The following UVRAG variants were observed in gnomAD, a reference collection of about 807,000 sequenced individuals.
UVRAG encodes the protein UV radiation resistance-associated gene protein.
Under a neutral mutation model 78.0 loss-of-function variants are expected in UVRAG, and 19 were observed. That is an observed-to-expected ratio of 0.24 (90% CI 0.17 to 0.36). The LOEUF is 0.36. Ranked by LOEUF, UVRAG falls within the 10% of genes least tolerant of loss-of-function variation. UVRAG has a pLI of 1.00. For synonymous variants in UVRAG, 323 were observed against 324.6 expected (o/e 1.00, Z 0.05); for missense variants, 740 against 853.8 (o/e 0.87, Z 1.66).
Position 76,087,175 on chromosome 11 carries a change from T to C in UVRAG, c.1305+21387T>C, listed in dbSNP as rs113951338. Among the ~76,000 whole-genome samples, 1,040 of 152,312 alleles carry C rather than the reference T, an allele frequency of 6.8e-3. 17 individuals carry two copies. The highest frequency in any genetic ancestry group is 0.024 in the African/African-American group (996 of 41,568). Reference sequence around the variant, plus strand: ...GTTTCTACATGCGCACACACATACATGTGCTTGTGAATGTGTGTGTAGGTA... The same window carrying C: ...GTTTCTACATGCGCACACACATACACGTGCTTGTGAATGTGTGTGTAGGTA... On this transcript the variant is annotated intron_variant, in intron 13 of 14. Transcript: ENST00000356136.
At position 76,006,660 on chromosome 11, in the gene UVRAG, CAAAAAA is replaced by C. The variant is rs762221601; in HGVS notation, c.912-853_912-848del. On this transcript the variant is annotated intron_variant, in intron 9 of 14. Transcript: ENST00000356136. ...TGAGTGTTAAAGTGAGACCCCGTCT[CAAAAAA>C]AAAAAAAAAAAAAAAAAAAAGAGAG... is the stretch of plus-strand genomic sequence containing the variant. Among the ~76,000 whole-genome samples, 148 of 62,358 alleles carry C rather than the reference CAAAAAA, an allele frequency of 2.4e-3. 1 individual carries two copies. The highest frequency in any genetic ancestry group is 8.6e-3 in the African/African-American group (113 of 13,120). 40.9% of individuals were successfully genotyped at this position (62,358 alleles called of 152,430 possible).
chr11:76,008,179 G>A (rs372635994), intron 10 of UVRAG, among the ~76,000 whole-genome samples: 1 of 152,018 alleles, frequency 6.6e-6, no homozygotes, highest in Non-Finnish European at 1.5e-5. Context: ...CAAAGTGCTC[G>A]CATATCAGGT....
At chr11:76,041,599 C>T (rs1362658540) in intron 12 of UVRAG, among the ~76,000 whole-genome samples, 1 of 152,222 alleles carries the variant, frequency 6.6e-6, no homozygotes, top group African/African-American at 2.4e-5. Context: ...GTAGTGGCTG[C>T]TGCCATGGCC....
intron 1 of UVRAG, among the ~76,000 whole-genome samples, chr11:75,843,973 AAAAG>A (rs1354868779): frequency 1.3e-5 from 2 of 151,720 alleles, no homozygotes; most frequent in Non-Finnish European, 2.9e-5. Flanking sequence ...AAAAAAAAAA[AAAAG>A]AACTCTCAAC....
intron 8 of UVRAG, among the ~76,000 whole-genome samples, chr11:75,997,350 G>C (rs941477788): frequency 1.3e-5 from 2 of 152,220 alleles, no homozygotes; most frequent in African/African-American, 4.8e-5. Flanking sequence ...GTTGCTGGAA[G>C]CAAGATTCAT....
At chr11:76,027,669 A>G (rs1042455918) in intron 12 of UVRAG, among the ~76,000 whole-genome samples, 6 of 152,120 alleles carry the variant, frequency 3.9e-5, no homozygotes, top group Non-Finnish European at 8.8e-5. Flanking sequence ...ATGCTTAACA[A>G]AATTTTGCAA....
chr11:76,135,973 T>A (rs1383725275), intron 14 of UVRAG, among the ~76,000 whole-genome samples: 1 of 152,252 alleles, frequency 6.6e-6, no homozygotes, highest in African/African-American at 2.4e-5. Context: ...TAATTGCATA[T>A]GATGAGTAAA....
intron 5 of UVRAG, among the ~76,000 whole-genome samples, chr11:75,898,372 T>C (rs1947399468): frequency 6.6e-6 from 1 of 152,254 alleles, no homozygotes; most frequent in Admixed American, 6.5e-5. Flanking sequence ...GAAGCCCTTT[T>C]GACATACCTC....
At chr11:75,924,552 A>T (rs1444357829) in intron 6 of UVRAG, among the ~76,000 whole-genome samples, 1 of 150,122 alleles carries the variant, frequency 6.7e-6, no homozygotes, top group East Asian at 2.0e-4. Flanking sequence ...ATGCCCAGCT[A>T]TTTTTTTTTG....
At chr11:76,108,193 A>G (rs983661517) in intron 13 of UVRAG, among the ~76,000 whole-genome samples, 1 of 152,150 alleles carries the variant, frequency 6.6e-6, no homozygotes, top group African/African-American at 2.4e-5. Context: ...GGGTGGGGAC[A>G]TGTGTGTGTG....
intron 7 of UVRAG, among the ~76,000 whole-genome samples, chr11:75,974,145 G>A (rs542680524): frequency 6.6e-6 from 1 of 152,122 alleles, no homozygotes; most frequent in Non-Finnish European, 1.5e-5. Context: ...TTCCACAATG[G>A]TTGAACTAGT....
intron 13 of UVRAG, among the ~76,000 whole-genome samples, chr11:76,074,470 C>T (rs1459130771): frequency 6.6e-6 from 1 of 152,096 alleles, no homozygotes; most frequent in Non-Finnish European, 1.5e-5. Context: ...TCTGAAAGCT[C>T]AATATTTAAG....
At chr11:76,134,609 G>A (rs1309141799) in intron 14 of UVRAG, among the ~76,000 whole-genome samples, 1 of 152,090 alleles carries the variant, frequency 6.6e-6, no homozygotes, top group Non-Finnish European at 1.5e-5. Context: ...CTGTGTTCCT[G>A]TGCAAGACAT....
At chr11:76,134,542 A>G (rs1167210572) in intron 14 of UVRAG, among the ~76,000 whole-genome samples, 3 of 152,146 alleles carry the variant, frequency 2.0e-5, no homozygotes, top group African/African-American at 7.2e-5. Flanking sequence ...TATGCTGTAT[A>G]AGAGAAACAG....
At chr11:76,093,839 A>G (rs979965279) in intron 13 of UVRAG, among the ~76,000 whole-genome samples, 1 of 152,150 alleles carries the variant, frequency 6.6e-6, no homozygotes, top group African/African-American at 2.4e-5. Flanking sequence ...TCCTAATTGA[A>G]TACCCTTTAT....
intron 8 of UVRAG, among the ~76,000 whole-genome samples, chr11:75,992,839 A>G (rs1208536901): frequency 6.6e-6 from 1 of 152,194 alleles, no homozygotes; most frequent in African/African-American, 2.4e-5. Context: ...AGTCACTGGT[A>G]TTTGCTCAAC....
intron 12 of UVRAG, among the ~76,000 whole-genome samples, chr11:76,040,482 A>C (rs1228785664): frequency 6.6e-6 from 1 of 151,910 alleles, no homozygotes; most frequent in Non-Finnish European, 1.5e-5. Flanking sequence ...AAAAAAAAAA[A>C]AAAAGGAAAG....
At chr11:75,972,732 T>C (rs982847590) in intron 7 of UVRAG, among the ~76,000 whole-genome samples, 2 of 152,240 alleles carry the variant, frequency 1.3e-5, no homozygotes, top group Non-Finnish European at 2.9e-5. Flanking sequence ...TTCTGTTGTA[T>C]ATTCTGGGTC....
At chr11:75,942,151 A>G (rs1948496551) in intron 6 of UVRAG, 3 of 152,624 alleles carry the variant, frequency 2.0e-5, no homozygotes, top group Admixed American at 6.5e-5. Context: ...CCCCCTATTT[A>G]TTCCTGGTAA....
Sources: allele counts gnomAD v4.1 joint callset (sites outside exome capture counted in the v4.1 genomes callset), GRCh38; gene constraint gnomAD v4.1.1; transcripts MANE v1.5; gene names NCBI Gene and HGNC (gene_info 2026-07-23, HGNC 2026-07-21).